Variants in AGMO observed in about 807,000 individuals in gnomAD.
AGMO encodes the protein alkylglycerol monooxygenase.
In AGMO, 75 loss-of-function variants were observed where a neutral mutation model predicts 60.2. The ratio of observed to expected loss-of-function variants is 1.25; its 90% CI spans 1.03 to 1.51. The LOEUF is 1.51. Among genes scored for constraint, AGMO ranks in the 40% most tolerant of loss-of-function variants. The probability of loss-of-function intolerance (pLI) is 0.00; values close to 1 mark genes in which losing one functional copy is unlikely to be tolerated. For missense variants in AGMO, 763 were observed against 525.5 expected, an observed-to-expected ratio of 1.45 and a Z score of -4.42; for synonymous variants, 261 against 177.1, an observed-to-expected ratio of 1.47 and a Z score of -3.76.
intron 10 of AGMO, among the ~76,000 whole-genome samples, chr7:15,382,492 T>G (rs1200869480): frequency 6.6e-6 from 1 of 152,124 alleles, no homozygotes; most frequent in African/African-American, 2.4e-5. Flanking sequence ...TGAAAGGAAG[T>G]TCGCTCAGAA....
chr7:15,131,555 A>G, the AGMO span, among the ~76,000 whole-genome samples: 1 of 152,204 alleles, frequency 6.6e-6, no homozygotes, highest in South Asian at 2.1e-4. Flanking sequence ...AAGATTACAT[A>G]AATTGTTTGA....
At chr7:15,315,714 G>C (rs1362460276) in intron 12 of AGMO, among the ~76,000 whole-genome samples, 1 of 152,026 alleles carries the variant, frequency 6.6e-6, no homozygotes, top group African/African-American at 2.4e-5. Flanking sequence ...ATACATGAGA[G>C]ATATAAATGA....
chr7:15,425,695 C>T (rs1416973001), intron 4 of AGMO, among the ~76,000 whole-genome samples: 1 of 152,176 alleles, frequency 6.6e-6, no homozygotes, highest in African/African-American at 2.4e-5. Flanking sequence ...CTGCCTCAGC[C>T]TCCCAAAGTA....
chr7:15,379,627 C>T (rs1783597750), intron 10 of AGMO, among the ~76,000 whole-genome samples: 1 of 152,000 alleles, frequency 6.6e-6, no homozygotes, highest in Non-Finnish European at 1.5e-5. Context: ...TACCAATCAA[C>T]AAAAGCCCAG....
chr7:15,154,660 G>C, the AGMO span, among the ~76,000 whole-genome samples: 2 of 152,280 alleles, frequency 1.3e-5, no homozygotes, highest in African/African-American at 4.8e-5. Context: ...TTAGCTGGTT[G>C]TTATATAGAC....
At chr7:15,450,633 A>G (rs1215090025) in intron 3 of AGMO, among the ~76,000 whole-genome samples, 1 of 152,174 alleles carries the variant, frequency 6.6e-6, no homozygotes, top group Admixed American at 6.5e-5. Context: ...TTGTCTATTC[A>G]TAATCACAAA....
intron 3 of AGMO, among the ~76,000 whole-genome samples, chr7:15,507,883 T>C (rs1488176014): frequency 6.6e-6 from 1 of 152,054 alleles, no homozygotes; most frequent in Admixed American, 6.6e-5. Context: ...ACACTAATTT[T>C]GTGGGTGTGG....
chr7:15,503,986 T>C (rs1397797859), intron 3 of AGMO, among the ~76,000 whole-genome samples: 1 of 152,022 alleles, frequency 6.6e-6, no homozygotes, highest in Admixed American at 6.6e-5. Context: ...TGAAAATCAT[T>C]ATGTCTTGAA....
chr7:15,493,362 CTTCTT>C (rs1783124803), intron 3 of AGMO, among the ~76,000 whole-genome samples: 1 of 102,264 alleles, frequency 9.8e-6, no homozygotes, highest in Non-Finnish European at 1.8e-5. Context: ...CACACACACA[CTTCTT>C]TTTTTTTTTT....
At chr7:15,225,536 G>A (rs527465216) in intron 12 of AGMO, among the ~76,000 whole-genome samples, 2 of 152,022 alleles carry the variant, frequency 1.3e-5, no homozygotes, top group South Asian at 4.1e-4. Flanking sequence ...GTATAAAAGT[G>A]TGTACATCTC....
At chr7:15,378,252 T>C (rs1288642707) in intron 10 of AGMO, among the ~76,000 whole-genome samples, 1 of 152,052 alleles carries the variant, frequency 6.6e-6, no homozygotes, top group Non-Finnish European at 1.5e-5. Flanking sequence ...TATCTATTGT[T>C]TAAAATTTGG....
At chr7:15,348,086 G>A (rs1036510971) in intron 12 of AGMO, among the ~76,000 whole-genome samples, 1 of 151,832 alleles carries the variant, frequency 6.6e-6, no homozygotes, top group African/African-American at 2.4e-5. Flanking sequence ...TCATGTTATT[G>A]CCCCTTTATA....
At chr7:15,381,101 T>C (rs898706170) in intron 10 of AGMO, among the ~76,000 whole-genome samples, 8 of 152,100 alleles carry the variant, frequency 5.3e-5, no homozygotes, top group African/African-American at 1.9e-4. Context: ...GGCAATACCA[T>C]TCAGGACACA....
chr7:15,357,190 CGTGTGT>C (rs36124819), intron 12 of AGMO, among the ~76,000 whole-genome samples: 4,853 of 144,422 alleles, frequency 0.034, 93 homozygotes, highest in Middle Eastern at 0.045. Context: ...TATGAATATT[CGTGTGT>C]GTGTGTGTGT....
chr7:15,271,706 G>A (rs982123417), intron 12 of AGMO, among the ~76,000 whole-genome samples: 3 of 152,052 alleles, frequency 2.0e-5, no homozygotes, highest in Admixed American at 6.6e-5. Flanking sequence ...GTACTATGTT[G>A]AATAGAAGTT....
intron 3 of AGMO, among the ~76,000 whole-genome samples, chr7:15,435,543 A>C (rs1488189953): frequency 6.6e-6 from 1 of 152,080 alleles, no homozygotes; most frequent in Non-Finnish European, 1.5e-5. Flanking sequence ...GTCTATTCAA[A>C]ATTTGTGCCC....
At chr7:15,181,802 T>A in the AGMO span, among the ~76,000 whole-genome samples, 1 of 152,214 alleles carries the variant, frequency 6.6e-6, no homozygotes, top group Non-Finnish European at 1.5e-5. Flanking sequence ...ATACTTTTAC[T>A]GCATTGATTG....
chr7:15,285,168 A>G (rs1294125996), intron 12 of AGMO, among the ~76,000 whole-genome samples: 1 of 152,068 alleles, frequency 6.6e-6, no homozygotes, highest in Non-Finnish European at 1.5e-5. Flanking sequence ...GAACTAAAAC[A>G]AGGCAAAGAT....
At chr7:15,464,930 A>C (rs1782238142) in intron 3 of AGMO, among the ~76,000 whole-genome samples, 1 of 152,186 alleles carries the variant, frequency 6.6e-6, no homozygotes, top group Non-Finnish European at 1.5e-5. Flanking sequence ...GGCAAGAAGC[A>C]ATGTTCTGTG....
Sources: allele counts gnomAD v4.1 joint callset (sites outside exome capture counted in the v4.1 genomes callset), GRCh38; gene constraint gnomAD v4.1.1; transcripts MANE v1.5; gene names NCBI Gene and HGNC (gene_info 2026-07-23, HGNC 2026-07-21).